The following MAPK10 variants were observed in gnomAD, a reference collection of about 807,000 sequenced individuals.
MAPK10 encodes JNK3 alpha protein kinase.
MAPK10 carries 25 observed loss-of-function variants against 59.3 expected under a neutral mutation model. The observed-to-expected ratio is 0.42, with a 90% CI of 0.31 to 0.59. The LOEUF (loss-of-function observed/expected upper bound fraction) is 0.59, where lower values mean the gene tolerates loss of function less well. MAPK10 is among the 20% of genes least tolerant of loss of function. The pLI, the probability that MAPK10 is intolerant of heterozygous loss-of-function variation, is 0.15. For synonymous variants in MAPK10, 190 were observed against 200.5 expected, an observed-to-expected ratio of 0.95 and a Z score of 0.44; for missense variants, 351 against 568.9, an observed-to-expected ratio of 0.62 and a Z score of 3.90.
intron 4 of MAPK10, chr4:86,127,611 C>T (rs2060280182): frequency 6.6e-6 from 1 of 152,030 alleles, no homozygotes; most frequent in Non-Finnish European, 1.5e-5. Context: ...CCATGTTTCT[C>T]CTGTGGCTTT....
chr4:86,588,024 C>G (rs564133369), intron 1 of MAPK10, among the ~76,000 whole-genome samples: 1 of 152,110 alleles, frequency 6.6e-6, no homozygotes, highest in Non-Finnish European at 1.5e-5. Flanking sequence ...CAAGACCCAT[C>G]TTTTAAAAGG....
chr4:86,022,066 G>T lies in MAPK10; in HGVS notation c.1253-4696C>A, dbSNP rs563138191. Among the ~76,000 whole-genome samples the T allele has an allele frequency of 4.6e-5, 7 of 151,030 alleles. No homozygotes were observed. The South Asian group carries it at 8.3e-4, about 18-fold the overall frequency. ...CAGAAAGGGGCTCCCACAGTGCAGT[G>T]GGGGGCTGAAAGGCTCCTCAAATGC... is the stretch of plus-strand genomic sequence containing the variant. On this transcript the variant is annotated intron_variant, in intron 13 of 13. Transcript: ENST00000641462.
chr4:86,232,169 C>G (rs1481632544), intron 2 of MAPK10, among the ~76,000 whole-genome samples: 1 of 152,110 alleles, frequency 6.6e-6, no homozygotes, highest in African/African-American at 2.4e-5. Flanking sequence ...TCCAATAAAA[C>G]TTTATTTACA....
chr4:86,101,465 GA>G (rs79799284), intron 7 of MAPK10: 96 of 423,524 alleles, frequency 2.3e-4, no homozygotes, highest in African/African-American at 8.2e-4. Context: ...AGAGGTTTTA[GA>G]AAAAAAAATA....
At chr4:86,321,032 G>A (rs1330867618) in intron 2 of MAPK10, among the ~76,000 whole-genome samples, 1 of 152,144 alleles carries the variant, frequency 6.6e-6, no homozygotes, top group African/African-American at 2.4e-5. Flanking sequence ...AAACCATAAT[G>A]AGATACCATC....
intron 1 of MAPK10, among the ~76,000 whole-genome samples, chr4:86,545,814 G>A (rs1212620866): frequency 6.6e-6 from 1 of 152,160 alleles, no homozygotes; most frequent in East Asian, 1.9e-4. Context: ...GAATAAGCAC[G>A]AATCTCACAT....
intron 4 of MAPK10, among the ~76,000 whole-genome samples, chr4:86,140,527 C>A (rs1200304986): frequency 9.4e-6 from 1 of 106,916 alleles, no homozygotes; most frequent in African/African-American, 4.2e-5. Flanking sequence ...ACTCTGGGGA[C>A]TATTGTGGGG....
rs8180149 is a variant in MAPK10, at chr4:86,246,780, C to T, written c.-6-52373G>A. ...GGACTGGAATGCAGGCAGTGGGACACTAGAGTCTGCTGGTCACCACGCTAC... is the reference window on the plus strand; with the variant it reads ...GGACTGGAATGCAGGCAGTGGGACATTAGAGTCTGCTGGTCACCACGCTAC... On this transcript the variant is annotated intron_variant, in intron 2 of 13. Coordinates refer to ENST00000641462, the MANE Select transcript of MAPK10 (RefSeq NM_138982.4). 3.3e-5 allele frequency among the ~76,000 whole-genome samples: 5 copies of T among 152,304 alleles called. No individual in the cohort carries two copies. In the South Asian group the frequency reaches 1.0e-3, roughly 32 times the overall value.
chr4:86,060,426 G>A lies in MAPK10; in HGVS notation c.1110+3840C>T, dbSNP rs148602421. Among the ~76,000 whole-genome samples the A allele has an allele frequency of 8.6e-4, 131 of 152,162 alleles. 1 individual carries two copies. The East Asian group carries it at 0.018, about 20-fold the overall frequency. On this transcript the variant is annotated intron_variant, in intron 11 of 13. Coordinates refer to ENST00000641462, the MANE Select transcript of MAPK10 (RefSeq NM_138982.4). The stretch of plus-strand genomic sequence containing the variant: ...AAGCTATTTAAAAAAAATAGTTACA[G>A]CTTATGTTCCTCTTCTTCTGTGCCC...
chr4:86,159,680 TC>T (rs1463918111), intron 3 of MAPK10, among the ~76,000 whole-genome samples: 1 of 152,042 alleles, frequency 6.6e-6, no homozygotes, highest in African/African-American at 2.4e-5. Flanking sequence ...ATTGTTTTTT[TC>T]ATCATTAAAA....
At chr4:86,064,620 T>G in intron 10 of MAPK10, 1 of 496,066 alleles carries the variant, frequency 2.0e-6, no homozygotes, top group Non-Finnish European at 3.6e-6. Flanking sequence ...TTTGGGTATA[T>G]AATTATTCAC....
At chr4:86,494,672 T>C (rs924069651) in intron 1 of MAPK10, among the ~76,000 whole-genome samples, 2 of 151,234 alleles carry the variant, frequency 1.3e-5, no homozygotes, top group African/African-American at 4.9e-5. Flanking sequence ...GGAAACCCCG[T>C]CTCTACTGAA....
intron 1 of MAPK10, among the ~76,000 whole-genome samples, chr4:86,420,270 G>C (rs1392822554): frequency 6.6e-6 from 1 of 152,164 alleles, no homozygotes; most frequent in Non-Finnish European, 1.5e-5. Context: ...ATTTTCCTAA[G>C]TATTGGAATA....
At chr4:86,102,112 A>C in intron 6 of MAPK10, 80 bp from the exon 7 acceptor site, 1 of 1,265,712 alleles carries the variant, frequency 7.9e-7, no homozygotes. Flanking sequence ...TGCTCTCCTA[A>C]CTCTGTAAGT....
intron 9 of MAPK10, among the ~76,000 whole-genome samples, chr4:86,084,924 A>G (rs1357055408): frequency 6.6e-6 from 1 of 152,246 alleles, no homozygotes; most frequent in East Asian, 1.9e-4. Flanking sequence ...AACAGAAGAT[A>G]GAACCCAGAA....
In MAPK10 at chr4:86,437,767, A is replaced by G. The variant is rs140156656; in HGVS notation, c.-122+15263T>C. ...ATACCAAATAGGAATAAATACATACATGTACCAGAAGACATGTTCAAATAT... is the reference window on the plus strand; with the variant it reads ...ATACCAAATAGGAATAAATACATACGTGTACCAGAAGACATGTTCAAATAT... On this transcript the variant is annotated intron_variant, in intron 1 of 13. Coordinates refer to the MAPK10 transcript ENST00000361569. Among the ~76,000 whole-genome samples, 922 of 152,326 alleles carry G rather than the reference A, an allele frequency of 6.1e-3. 7 individuals carry two copies. The highest frequency in any genetic ancestry group is 0.02 in the African/African-American group (824 of 41,586).
In MAPK10 at chr4:86,159,479, A is replaced by G. The variant is rs1288617060; in HGVS notation, c.67-12T>C. The G allele has an allele frequency of 1.2e-6, 2 of 1,607,064 alleles. No homozygotes were observed. Among genetic ancestry groups the G allele is most frequent in the East Asian group, 4.5e-5 (2 of 44,692 alleles). The stretch of plus-strand genomic sequence containing the variant: ...TGTTTATCGAATCCCTGTCAAAAAG[A>G]AGAACAGCAAAAACATGAGGCAAGT... On this transcript the variant is annotated splice_polypyrimidine_tract_variant and intron_variant, in intron 3 of 13. Transcript: ENST00000641462.
intron 1 of MAPK10, among the ~76,000 whole-genome samples, chr4:86,503,827 C>T (rs1579418220): frequency 6.6e-6 from 1 of 152,036 alleles, no homozygotes; most frequent in East Asian, 1.9e-4. Context: ...TGGCTATGCA[C>T]TACCAGACCC....
intron 4 of MAPK10, among the ~76,000 whole-genome samples, chr4:86,149,299 T>C (rs1164803328): frequency 3.3e-5 from 5 of 152,126 alleles, no homozygotes; most frequent in African/African-American, 1.2e-4. Flanking sequence ...TGGAGTTTCA[T>C]TCTTCCACCC....
Sources: allele counts gnomAD v4.1 joint callset (sites outside exome capture counted in the v4.1 genomes callset), GRCh38; gene constraint gnomAD v4.1.1; transcripts MANE v1.5; gene names NCBI Gene and HGNC (gene_info 2026-07-23, HGNC 2026-07-21).